The following ADGRV1 variants were observed in gnomAD, a reference collection of about 807,000 sequenced individuals.
ADGRV1 encodes adhesion G protein-coupled receptor V1.
Under a neutral mutation model 596.2 loss-of-function variants are expected in ADGRV1, and 359 were observed. The ratio of observed to expected loss-of-function variants is 0.60; its 90% CI spans 0.55 to 0.66. The LOEUF is 0.66. Ranked by LOEUF, ADGRV1 falls within the 30% of genes least tolerant of loss-of-function variation. The pLI, the probability that ADGRV1 is intolerant of heterozygous loss-of-function variation, is 0.00. For missense variants in ADGRV1, 7,274 were observed against 7,575.6 expected (o/e 0.96, Z 1.48); for synonymous variants, 2,681 against 2,679.2 (o/e 1.00, Z -0.02).
intron 85 of ADGRV1, among the ~76,000 whole-genome samples, chr5:91,005,170 G>A (rs1265742000): frequency 6.6e-6 from 1 of 151,944 alleles, no homozygotes; most frequent in African/African-American, 2.4e-5. Flanking sequence ...AAACTATTTG[G>A]TTGGCTGATT....
intron 83 of ADGRV1, among the ~76,000 whole-genome samples, chr5:90,878,007 G>C (rs1349861720): frequency 6.6e-6 from 1 of 152,170 alleles, no homozygotes; most frequent in Non-Finnish European, 1.5e-5. Flanking sequence ...TTGAGGTAAA[G>C]ATAGAGTTCA....
chr5:90,662,421 C>T (rs1260555181), intron 21 of ADGRV1, among the ~76,000 whole-genome samples: 1 of 151,878 alleles, frequency 6.6e-6, no homozygotes, highest in Admixed American at 6.6e-5. Flanking sequence ...TCTCGATCTC[C>T]TGACCTCGTG....
chr5:90,699,235 A>G (rs991856800), intron 34 of ADGRV1, among the ~76,000 whole-genome samples: 1 of 152,046 alleles, frequency 6.6e-6, no homozygotes, highest in Non-Finnish European at 1.5e-5. Flanking sequence ...CTAGTCATTT[A>G]TTTTATTCTG....
At chr5:90,914,498 G>A (rs576527540) in intron 83 of ADGRV1, among the ~76,000 whole-genome samples, 1 of 152,118 alleles carries the variant, frequency 6.6e-6, no homozygotes, top group African/African-American at 2.4e-5. Context: ...CAACTATTAA[G>A]TGGAGATAAA....
At chr5:90,647,437 A>T in intron 16 of ADGRV1, 61 bp from the exon 17 acceptor site, 2 of 1,528,140 alleles carry the variant, frequency 1.3e-6, no homozygotes, top group Non-Finnish European at 1.8e-6. Flanking sequence ...GCACAATGTG[A>T]TCTGAAAATA....
intron 60 of ADGRV1, among the ~76,000 whole-genome samples, chr5:90,774,709 A>G (rs1463143021): frequency 1.3e-5 from 2 of 152,146 alleles, no homozygotes; most frequent in Admixed American, 1.3e-4. Flanking sequence ...AAGAACACAT[A>G]ATTACATGGA....
chr5:90,675,319 T>C lies in ADGRV1; in HGVS notation c.5187T>C (p.His1729=). The C allele has an allele frequency of 6.2e-7, 1 of 1,613,664 alleles. No individual in the cohort carries two copies. The highest frequency in any genetic ancestry group is 1.1e-5 in the South Asian group (1 of 91,046). Reference sequence around the variant, plus strand: ...CCCTGCCTGCAAGCAGCGTTCCACATATCACTGTGGAGGAGGAAGATGGAG... The same window carrying C: ...CCCTGCCTGCAAGCAGCGTTCCACACATCACTGTGGAGGAGGAAGATGGAG... ...AMTLPASSVP[H]ITVEEEDGEI... The change falls in exon 24 of 90, where the codon CAT becomes CAC. Residue 1729 remains histidine (H), a synonymous_variant. Coordinates refer to ENST00000405460, the MANE Select transcript of ADGRV1 (RefSeq NM_032119.4).
rs141474921 is a variant in ADGRV1, at chr5:91,061,647, T to A, written c.18153-10800T>A. Among the ~76,000 whole-genome samples the A allele has an allele frequency of 3.3e-5, 5 of 152,358 alleles. No individual in the cohort carries two copies. In the East Asian group the frequency reaches 9.6e-4, roughly 29 times the overall value. ...TAATATTGCTGTAATGTGTCCATTT[T>A]TCTTTCCTCAATCTTTTCAAGCAAT... On this transcript the variant is annotated intron_variant, in intron 85 of 89. Coordinates refer to ENST00000405460, the MANE Select transcript of ADGRV1 (RefSeq NM_032119.4).
intron 40 of ADGRV1, 47 bp downstream of exon 40, chr5:90,711,106 T>A: frequency 6.3e-7 from 1 of 1,574,922 alleles, no homozygotes; most frequent in East Asian, 2.2e-5. Flanking sequence ...TTCATATTAT[T>A]TACTATCTAC....
At chr5:90,740,238 G>A (rs893230835) in intron 50 of ADGRV1, among the ~76,000 whole-genome samples, 1 of 152,052 alleles carries the variant, frequency 6.6e-6, no homozygotes, top group Non-Finnish European at 1.5e-5. Flanking sequence ...TGGCCTGGAA[G>A]TGGCTGTGAA....
At chr5:90,997,630 C>G (rs188938503) in intron 85 of ADGRV1, among the ~76,000 whole-genome samples, 1 of 152,264 alleles carries the variant, frequency 6.6e-6, no homozygotes, top group African/African-American at 2.4e-5. Context: ...TACATTTTCA[C>G]AAACTCATTG....
In ADGRV1 at chr5:90,705,409, C is replaced by T. The variant is rs200179979; in HGVS notation, c.8396C>T (p.Pro2799Leu). 3.3e-4 allele frequency: 527 copies of T among 1,613,006 alleles called. No homozygotes were observed. Among genetic ancestry groups the T allele is most frequent in the Non-Finnish European group, 4.2e-4 (500 of 1,179,434 alleles). Residue 2799 changes from proline (P) to leucine (L), a missense_variant, in exon 37 of 90, where the codon CCA (proline) becomes CTA (leucine). This residue lies in a region of ADGRV1 where 3,643 missense variants were observed against 3,809.2 expected (regional missense o/e 0.96). Transcript: ENST00000405460. ...TGCCTGACATTTTTAGGAGTTCCAC[C>T]AGCCGGAATCGCCCTGCTTGATGCT... ...LYDVRTQGVP[P>L]AGIALLDAQG...
At chr5:91,020,934 G>T (rs1783583216) in intron 85 of ADGRV1, among the ~76,000 whole-genome samples, 1 of 152,096 alleles carries the variant, frequency 6.6e-6, no homozygotes, top group African/African-American at 2.4e-5. Context: ...TTCGTTGAAT[G>T]TCATTTCATT....
At chr5:91,016,108 C>T (rs527332336) in intron 85 of ADGRV1, among the ~76,000 whole-genome samples, 9 of 152,004 alleles carry the variant, frequency 5.9e-5, no homozygotes, top group African/African-American at 2.2e-4. Flanking sequence ...CTTATTTCTC[C>T]TTTATGTAGG....
intron 4 of ADGRV1, among the ~76,000 whole-genome samples, chr5:90,621,864 C>T (rs987554012): frequency 1.3e-5 from 2 of 152,048 alleles, no homozygotes; most frequent in African/African-American, 2.4e-5. Flanking sequence ...ATTTACTGTG[C>T]CCTCAGTATA....
intron 87 of ADGRV1, among the ~76,000 whole-genome samples, chr5:91,141,114 G>A: frequency 6.6e-6 from 1 of 152,286 alleles, no homozygotes; most frequent in Middle Eastern, 3.4e-3. Flanking sequence ...ATACCTTGAT[G>A]TATACTGGAT....
At chr5:90,590,526 T>G (rs1244631411) in intron 1 of ADGRV1, among the ~76,000 whole-genome samples, 1 of 152,192 alleles carries the variant, frequency 6.6e-6, no homozygotes, top group Non-Finnish European at 1.5e-5. Flanking sequence ...GGTGCCTTCC[T>G]CTGGGGCAGG....
At chr5:90,946,799 C>T (rs1331752216) in intron 83 of ADGRV1, among the ~76,000 whole-genome samples, 1 of 152,124 alleles carries the variant, frequency 6.6e-6, no homozygotes, top group Non-Finnish European at 1.5e-5. Flanking sequence ...TGATCTCATT[C>T]CTTTTTATGG....
At chr5:90,821,148 C>T (rs1253142063) in intron 75 of ADGRV1, among the ~76,000 whole-genome samples, 2 of 151,876 alleles carry the variant, frequency 1.3e-5, no homozygotes, top group East Asian at 1.9e-4. Flanking sequence ...CTTCCCTTCT[C>T]GCTTCATTTC....
Sources: allele counts gnomAD v4.1 joint callset (sites outside exome capture counted in the v4.1 genomes callset), GRCh38; gene constraint gnomAD v4.1.1; regional missense constraint gnomAD v4.1.1; transcripts MANE v1.5; gene names NCBI Gene and HGNC (gene_info 2026-07-23, HGNC 2026-07-21).